Variants in KALRN observed in about 807,000 individuals in gnomAD.
The protein encoded by KALRN is kalirin.
A neutral mutation model predicts 353.7 loss-of-function variants in KALRN; 70 were observed. The ratio of observed to expected loss-of-function variants is 0.20; its 90% CI spans 0.16 to 0.24. The LOEUF (loss-of-function observed/expected upper bound fraction) is 0.24. KALRN is among the 10% of genes least tolerant of loss of function. The pLI is 1.00. For synonymous variants in KALRN, 1,391 were observed against 1,434.8 expected (o/e 0.97, Z 0.69); for missense variants, 2,791 against 3,756.7 (o/e 0.74, Z 6.72).
chr3:124,237,140 T>C (rs1211172313), intron 3 of KALRN, among the ~76,000 whole-genome samples: 6 of 152,230 alleles, frequency 3.9e-5, no homozygotes, highest in Non-Finnish European at 8.8e-5. Context: ...ACTGAATAAC[T>C]TAGCAGGTCA....
chr3:124,370,489 G>T (rs991191323), intron 10 of KALRN, among the ~76,000 whole-genome samples: 1 of 152,162 alleles, frequency 6.6e-6, no homozygotes, highest in African/African-American at 2.4e-5. Flanking sequence ...CATCCGGAAA[G>T]CCAACAAGTG....
At chr3:124,045,648 C>T (rs1246920645) in intron 1 of KALRN, among the ~76,000 whole-genome samples, 1 of 151,852 alleles carries the variant, frequency 6.6e-6, no homozygotes, top group Admixed American at 6.6e-5. Context: ...ACTCATTTAT[C>T]GAAGTGTCAG....
At chr3:124,454,332 A>G (rs1399150550) in intron 21 of KALRN, among the ~76,000 whole-genome samples, 8 of 152,338 alleles carry the variant, frequency 5.3e-5, no homozygotes, top group Admixed American at 5.2e-4. Flanking sequence ...AAGTTGGACC[A>G]GCCCTAAGCC....
At chr3:124,230,628 C>T (rs2079033274) in intron 2 of KALRN, among the ~76,000 whole-genome samples, 1 of 152,012 alleles carries the variant, frequency 6.6e-6, no homozygotes, top group Middle Eastern at 3.2e-3. Context: ...CTGAGTAGGA[C>T]GAAGGGGGCT....
intron 6 of KALRN, among the ~76,000 whole-genome samples, chr3:124,305,073 T>C (rs2077575840): frequency 6.6e-6 from 1 of 152,138 alleles, no homozygotes; most frequent in Non-Finnish European, 1.5e-5. Context: ...GCTCCTAAAG[T>C]GGGGGTGTCA....
intron 25 of KALRN, among the ~76,000 whole-genome samples, chr3:124,466,106 G>T (rs2060324600): frequency 1.3e-5 from 2 of 150,846 alleles, no homozygotes; most frequent in Non-Finnish European, 2.9e-5. Flanking sequence ...AAGGACCTTT[G>T]TCTTTATAGG....
chr3:124,384,360 G>A (rs2087871881), intron 10 of KALRN, among the ~76,000 whole-genome samples: 1 of 152,120 alleles, frequency 6.6e-6, no homozygotes. Context: ...CAAAGAAATA[G>A]CTCTGTTCCA....
chr3:124,517,095 C>T (rs537841263), intron 33 of KALRN, among the ~76,000 whole-genome samples: 6 of 152,290 alleles, frequency 3.9e-5, no homozygotes, highest in South Asian at 4.1e-4. Context: ...GGATTACAGG[C>T]GTGAGCCACC....
chr3:124,595,933 G>A (rs1399840011), intron 34 of KALRN, among the ~76,000 whole-genome samples: 7 of 152,274 alleles, frequency 4.6e-5, no homozygotes, highest in African/African-American at 1.7e-4. Context: ...TGGAATGAAA[G>A]GCAATATATC....
intron 1 of KALRN, among the ~76,000 whole-genome samples, chr3:124,151,068 A>G (rs913892976): frequency 1.3e-5 from 2 of 152,178 alleles, no homozygotes; most frequent in African/African-American, 4.8e-5. Flanking sequence ...AATATGCCAC[A>G]ATTTATCCAT....
At chr3:124,363,724 G>A (rs1231822947) in intron 10 of KALRN, among the ~76,000 whole-genome samples, 1 of 152,134 alleles carries the variant, frequency 6.6e-6, no homozygotes, top group African/African-American at 2.4e-5. Flanking sequence ...TGATGCCCTG[G>A]GCTTCTTTCA....
At chr3:124,641,915 G>T (rs1217118469) in intron 37 of KALRN, among the ~76,000 whole-genome samples, 2 of 152,198 alleles carry the variant, frequency 1.3e-5, no homozygotes, top group African/African-American at 2.4e-5. Context: ...AGAATCTAGT[G>T]TATCTCTAAA....
chr3:124,353,973 G>A (rs1285805800), intron 10 of KALRN, among the ~76,000 whole-genome samples: 1 of 152,176 alleles, frequency 6.6e-6, no homozygotes, highest in Non-Finnish European at 1.5e-5. Context: ...AGACCATCTG[G>A]TGATCACACT....
chr3:124,718,583 G>A (rs566696084), intron 59 of KALRN, among the ~76,000 whole-genome samples: 7 of 152,230 alleles, frequency 4.6e-5, no homozygotes, highest in Non-Finnish European at 8.8e-5. Flanking sequence ...GCCAACAAAC[G>A]TCACCTTCTC....
chr3:124,287,768 AAGATATATATATATAT>A (rs2076044024), intron 5 of KALRN, among the ~76,000 whole-genome samples: 1 of 71,452 alleles, frequency 1.4e-5, no homozygotes, highest in African/African-American at 5.5e-5. Flanking sequence ...AGGGCCTAGG[AAGATATATATATATAT>A]ATATATATAT....
intron 9 of KALRN, among the ~76,000 whole-genome samples, chr3:124,336,874 C>T (rs539670459): frequency 1.5e-3 from 233 of 152,084 alleles, no homozygotes; most frequent in Middle Eastern, 3.4e-3. Flanking sequence ...TAGTTGTATA[C>T]GTAGGTATTT....
chr3:124,231,078 G>T (rs1046873572), intron 2 of KALRN, among the ~76,000 whole-genome samples: 1 of 152,182 alleles, frequency 6.6e-6, no homozygotes, highest in African/African-American at 2.4e-5. Context: ...CTCTGCTAGC[G>T]CCCAGCCTTG....
At chr3:124,152,500 T>C in intron 1 of KALRN, 1 of 794,008 alleles carries the variant, frequency 1.3e-6, no homozygotes, top group Admixed American at 1.7e-5. Flanking sequence ...TTCAGTTCTG[T>C]ACATCTGCCT....
chr3:124,508,052 C>A (rs1016877136), intron 33 of KALRN, among the ~76,000 whole-genome samples: 1 of 152,122 alleles, frequency 6.6e-6, no homozygotes, highest in Non-Finnish European at 1.5e-5. Flanking sequence ...ATGGGTCAAT[C>A]TGATTAAATG....
Sources: gnomAD v4.1 joint callset for allele counts (sites outside exome capture counted in the v4.1 genomes callset) on GRCh38, gnomAD v4.1.1 for gene constraint, MANE v1.5 for transcripts, NCBI Gene and HGNC (gene_info 2026-07-23, HGNC 2026-07-21) for gene names.